The following RANBP2 variants were observed in gnomAD, a reference collection of about 807,000 sequenced individuals.
The protein encoded by RANBP2 is E3 SUMO-protein ligase RanBP2.
Under a neutral mutation model 303.6 loss-of-function variants are expected in RANBP2, and 57 were observed. That is an observed-to-expected ratio of 0.19 (90% CI 0.15 to 0.23). The LOEUF (loss-of-function observed/expected upper bound fraction) is 0.23, where lower values mean the gene tolerates loss of function less well. Ranked by LOEUF, RANBP2 falls within the 10% of genes least tolerant of loss-of-function variation. The pLI is 1.00. For synonymous variants in RANBP2, 1,167 were observed against 1,301.5 expected, an observed-to-expected ratio of 0.90 and a Z score of 2.23; for missense variants, 3,138 against 3,780.8, an observed-to-expected ratio of 0.83 and a Z score of 4.46.
chr2:108,935,140 C>G, the RANBP2 span, among the ~76,000 whole-genome samples: 1 of 152,210 alleles, frequency 6.6e-6, no homozygotes, highest in Non-Finnish European at 1.5e-5. Flanking sequence ...GTCTGCCACT[C>G]CTGCCTGAAT....
chr2:109,282,863 G>A, the RANBP2 span, among the ~76,000 whole-genome samples: 6 of 152,264 alleles, frequency 3.9e-5, 1 homozygote, highest in South Asian at 1.2e-3. Flanking sequence ...GTGAGGAGAG[G>A]AGCTATGGAT....
At chr2:109,721,991 G>A in the RANBP2 span, among the ~76,000 whole-genome samples, 11 of 152,350 alleles carry the variant, frequency 7.2e-5, no homozygotes, top group East Asian at 2.1e-3. Flanking sequence ...TGCTTCAGTG[G>A]GAACACAAGG....
At chr2:109,600,767 C>T in the RANBP2 span, among the ~76,000 whole-genome samples, 11 of 152,216 alleles carry the variant, frequency 7.2e-5, no homozygotes, top group African/African-American at 2.2e-4. Flanking sequence ...TCCCACTCCA[C>T]CTCTGCTCAT....
chr2:109,402,397 C>T, the RANBP2 span, among the ~76,000 whole-genome samples: 81 of 152,372 alleles, frequency 5.3e-4, 1 homozygote, highest in South Asian at 0.016. Flanking sequence ...GGTGGCACTT[C>T]GGCTTTGATC....
At chr2:109,185,770 A>G in the RANBP2 span, among the ~76,000 whole-genome samples, 5 of 152,354 alleles carry the variant, frequency 3.3e-5, no homozygotes, top group East Asian at 9.6e-4. Context: ...TTGTGATTTC[A>G]AATTAACTTG....
chr2:108,812,328 T>C, the RANBP2 span, among the ~76,000 whole-genome samples: 2 of 152,300 alleles, frequency 1.3e-5, no homozygotes, highest in Non-Finnish European at 2.9e-5. Context: ...TTTATATGTG[T>C]TATAGTTCAG....
downstream of RANBP2, chr2:108,787,053 G>T (rs1027698757): frequency 1.1e-5 from 5 of 459,558 alleles, no homozygotes; most frequent in African/African-American, 8.3e-5. Flanking sequence ...TGCGGCTTGG[G>T]CCTCGTGGAA....
the RANBP2 span, among the ~76,000 whole-genome samples, chr2:108,824,560 T>G: frequency 6.6e-6 from 1 of 152,218 alleles, no homozygotes; most frequent in Non-Finnish European, 1.5e-5. Flanking sequence ...CTGGAAGACC[T>G]GCTGAAGGAC....
At chr2:109,575,453 G>A in the RANBP2 span, among the ~76,000 whole-genome samples, 1 of 152,176 alleles carries the variant, frequency 6.6e-6, no homozygotes, top group South Asian at 2.1e-4. Context: ...CAAAGGAAAG[G>A]CCAATTACAT....
At chr2:109,537,507 A>G in the RANBP2 span, among the ~76,000 whole-genome samples, 6 of 152,046 alleles carry the variant, frequency 3.9e-5, no homozygotes, top group Non-Finnish European at 7.4e-5. Context: ...ACCCTTTCTC[A>G]AATGTCCTTA....
the RANBP2 span, among the ~76,000 whole-genome samples, chr2:109,321,722 C>G: frequency 6.6e-6 from 1 of 152,230 alleles, no homozygotes; most frequent in Non-Finnish European, 1.5e-5. Flanking sequence ...CCGTGCAACT[C>G]AAGTATAGAC....
the RANBP2 span, among the ~76,000 whole-genome samples, chr2:109,474,964 GT>G: frequency 6.6e-6 from 1 of 151,644 alleles, no homozygotes; most frequent in Non-Finnish European, 1.5e-5. Context: ...TTTTGTTTGG[GT>G]TTTTTTTGTT....
the RANBP2 span, among the ~76,000 whole-genome samples, chr2:109,274,114 G>A: frequency 6.6e-6 from 1 of 152,174 alleles, no homozygotes; most frequent in Middle Eastern, 3.2e-3. Context: ...ATCATTTGTG[G>A]TAGTATGTCA....
the RANBP2 span, chr2:109,543,038 T>C: frequency 6.6e-6 from 1 of 152,588 alleles, no homozygotes; most frequent in Non-Finnish European, 1.5e-5. Flanking sequence ...ATTTAGAATA[T>C]TCAAGTACAA....
chr2:109,085,625 A>G, the RANBP2 span, among the ~76,000 whole-genome samples: 5 of 104,748 alleles, frequency 4.8e-5, no homozygotes, highest in African/African-American at 7.8e-5. Flanking sequence ...TTTGAGATGG[A>G]GTTTCACTCT....
At chr2:109,035,883 T>C in the RANBP2 span, among the ~76,000 whole-genome samples, 2 of 152,210 alleles carry the variant, frequency 1.3e-5, no homozygotes, top group African/African-American at 4.8e-5. Context: ...GGAGAAAATA[T>C]TGAAAGAACC....
At chr2:109,286,756 A>T in the RANBP2 span, among the ~76,000 whole-genome samples, 4 of 152,272 alleles carry the variant, frequency 2.6e-5, no homozygotes, top group African/African-American at 9.6e-5. Context: ...TTCCCTACAG[A>T]GATGTGGTGC....
the RANBP2 span, among the ~76,000 whole-genome samples, chr2:109,076,952 A>G: frequency 6.6e-6 from 1 of 150,660 alleles, no homozygotes; most frequent in Admixed American, 6.6e-5. Context: ...TGGAGAAAGA[A>G]GAAGAAAGTT....
the RANBP2 span, among the ~76,000 whole-genome samples, chr2:109,678,245 C>CA: frequency 6.6e-6 from 1 of 152,202 alleles, no homozygotes; most frequent in Non-Finnish European, 1.5e-5. Context: ...ATCACAAGAG[C>CA]AAAAAATACG....
Sources: gnomAD v4.1 joint callset for allele counts (sites outside exome capture counted in the v4.1 genomes callset) on GRCh38, gnomAD v4.1.1 for gene constraint, MANE v1.5 for transcripts, NCBI Gene and HGNC (gene_info 2026-07-23, HGNC 2026-07-21) for gene names.